The following TCTN3 variants were observed in gnomAD, a reference collection of about 807,000 sequenced individuals.
TCTN3 encodes the protein tectonic family member 3.
A neutral mutation model predicts 71.3 loss-of-function variants in TCTN3; 57 were observed. That is an observed-to-expected ratio of 0.80 (90% confidence interval 0.65 to 1.00). The LOEUF is 1.00. Ranked by LOEUF, TCTN3 falls within the 50% of genes least tolerant of loss-of-function variation. The pLI, the probability that TCTN3 is intolerant of heterozygous loss-of-function variation, is 0.00. For synonymous variants in TCTN3, 258 were observed against 267.8 expected (o/e 0.96, Z 0.36); for missense variants, 696 against 719.9 (o/e 0.97, Z 0.38).
At chr10:95,666,808 A>G (rs1263002643) in intron 13 of TCTN3, among the ~76,000 whole-genome samples, 1 of 152,228 alleles carries the variant, frequency 6.6e-6, no homozygotes, top group Non-Finnish European at 1.5e-5. Context: ...CAGTCCCAGG[A>G]GAATTCCCAA....
At chr10:95,692,050 T>G (rs1210289447) in intron 3 of TCTN3, among the ~76,000 whole-genome samples, 1 of 152,238 alleles carries the variant, frequency 6.6e-6, no homozygotes, top group Non-Finnish European at 1.5e-5. Context: ...TATTTGGTGC[T>G]TACTATGTGT....
chr10:95,665,411 T>C (rs2097924772), intron 13 of TCTN3, among the ~76,000 whole-genome samples: 6 of 152,064 alleles, frequency 3.9e-5, no homozygotes, highest in Non-Finnish European at 8.8e-5. Context: ...CCCAAGTAGC[T>C]GGGATTATAG....
At chr10:95,673,474 GGT>G (rs1234690828) in intron 13 of TCTN3, among the ~76,000 whole-genome samples, 27 of 152,008 alleles carry the variant, frequency 1.8e-4, no homozygotes, top group Non-Finnish European at 2.4e-4. Flanking sequence ...AGGTACAGAT[GGT>G]TTTTGGTTAC....
rs2097956159 is a variant in TCTN3 at position 95,693,791 on chromosome 10, C to G, written c.109G>C (p.Glu37Gln). The G allele has an allele frequency of 6.4e-7, 1 of 1,551,610 alleles. No individual in the cohort carries two copies. The highest frequency in any genetic ancestry group is 2.0e-5 in the Admixed American group (1 of 50,998). The change falls in exon 1 of 14, where the codon GAG becomes CAG. Residue 37 changes from glutamate (E) to glutamine (Q), a missense_variant. Transcript: ENST00000371217. ...CCGCCATCCGTCCCTCGCTGCAGCT[C>G]CAAAGACGTGGGCACTGCCCCTGAT... ...SPSGAVPTSL[E>Q]LQRGTDGGTL...
In TCTN3 at chr10:95,692,552, G is replaced by A. The variant is rs557350075; in HGVS notation, c.499+368C>T. ...TGTATTCCGTAATAAGAGAGAAGAG[G>A]CAGAAAGAGGCGTAGAGATTCAAAG... On this transcript the variant is annotated intron_variant, in intron 3 of 13. Transcript: ENST00000371217. 6.5e-4 allele frequency among the ~76,000 whole-genome samples: 98 copies of A among 149,888 alleles called. 2 individuals are homozygous for A. The Admixed American group carries it at 6.6e-3, about 10-fold the overall frequency.
intron 3 of TCTN3, 70 bp downstream of exon 3, chr10:95,692,850 T>A (rs1009859494): frequency 9.0e-7 from 1 of 1,111,538 alleles, no homozygotes; most frequent in African/African-American, 1.5e-5. Context: ...TCTTCCAATG[T>A]GGGCCAGGGA....
chr10:95,671,594 T>C (rs1159564132), intron 13 of TCTN3, among the ~76,000 whole-genome samples: 2 of 152,212 alleles, frequency 1.3e-5, no homozygotes, highest in Admixed American at 6.5e-5. Context: ...AACTTTTAGG[T>C]GTGTTTTTGT....
chr10:95,687,730 T>G lies in TCTN3; in HGVS notation c.500-11A>C. On this transcript the variant is annotated splice_polypyrimidine_tract_variant and intron_variant, in intron 3 of 13. Coordinates refer to ENST00000371217, the MANE Select transcript of TCTN3 (RefSeq NM_015631.6). Reference sequence around the variant, plus strand: ...AATAGTTTAAGTTTGCTAAAATGTTTTTTAAAAGAAAAAGCGTTTAGATAA... The same window carrying G: ...AATAGTTTAAGTTTGCTAAAATGTTGTTTAAAAGAAAAAGCGTTTAGATAA... The G allele has an allele frequency of 6.3e-7, 1 of 1,598,410 alleles. No homozygotes were observed. Among genetic ancestry groups the G allele is most frequent in the South Asian group, 1.2e-5 (1 of 86,942 alleles).
intron 13 of TCTN3, among the ~76,000 whole-genome samples, chr10:95,666,714 G>A (rs907298627): frequency 2.0e-5 from 3 of 152,152 alleles, no homozygotes; most frequent in African/African-American, 7.2e-5. Context: ...GGTCAGTGTC[G>A]TCTAGAAGTT....
chr10:95,692,597 T>TA (rs2097954553), intron 3 of TCTN3, among the ~76,000 whole-genome samples: 1 of 149,558 alleles, frequency 6.7e-6, no homozygotes, highest in Non-Finnish European at 1.5e-5. Flanking sequence ...AAAAAAAGTT[T>TA]AAAAAAAAGA....
intron 8 of TCTN3, 41 bp from the exon 9 acceptor site, chr10:95,684,665 G>A (rs752727054): frequency 8.7e-6 from 14 of 1,607,734 alleles, no homozygotes; most frequent in Non-Finnish European, 9.3e-6. Context: ...AGTAGTTATT[G>A]GGCCGAATAT....
At chr10:95,689,723 A>G (rs1351977320) in intron 3 of TCTN3, among the ~76,000 whole-genome samples, 3 of 152,240 alleles carry the variant, frequency 2.0e-5, no homozygotes, top group Non-Finnish European at 4.4e-5. Flanking sequence ...CAGATGATAT[A>G]TTACACCTAA....
In TCTN3 at chr10:95,677,474, G is replaced by GTTTTTTT. The variant is rs10654251; in HGVS notation, c.1590+2991_1590+2997dup. On this transcript the variant is annotated intron_variant, in intron 13 of 13. Coordinates refer to ENST00000371217, the MANE Select transcript of TCTN3 (RefSeq NM_015631.6). ...ATACAAGAAGATAGTGAAGTCTACA[G>GTTTTTTT]TTTTTTTTGTTTTTTTTTTTTTTTT... 8.8e-4 allele frequency among the ~76,000 whole-genome samples: 71 copies of GTTTTTTT among 80,728 alleles called. 10 individuals carry two copies. Among genetic ancestry groups the GTTTTTTT allele is most frequent in the Middle Eastern group, 0.011 (2 of 176 alleles). The allele number at this position is 80,728 out of a possible 152,430, so 53.0% of individuals were successfully genotyped here. A position where few individuals can be genotyped will look rare whatever the true frequency, so the allele number is the denominator to read the frequency against.
At chr10:95,692,323 T>C (rs576985436) in intron 3 of TCTN3, among the ~76,000 whole-genome samples, 16 of 152,112 alleles carry the variant, frequency 1.1e-4, no homozygotes, top group South Asian at 2.1e-4. Flanking sequence ...CTGGCCAACA[T>C]TGCAAAACCC....
chr10:95,670,533 T>C (rs1190684811), intron 13 of TCTN3, among the ~76,000 whole-genome samples: 1 of 151,096 alleles, frequency 6.6e-6, no homozygotes, highest in Non-Finnish European at 1.5e-5. Context: ...TAATTTTTTG[T>C]ATATTTTTTT....
In TCTN3 at chr10:95,692,931, T is replaced by G. The variant is rs376756059; in HGVS notation, c.488A>C (p.His163Pro). 1 of 1,612,020 alleles carries G rather than the reference T, an allele frequency of 6.2e-7. No individual in the cohort carries two copies. Among genetic ancestry groups the G allele is most frequent in the Non-Finnish European group, 8.5e-7 (1 of 1,178,048 alleles). ...ATGTTTCTACTCACAGTTGTTCACA[T>G]GGACACAAAACTGCCTGATTCCATT... ...DSNGIRQFCV[H>P]VNNSNLNYFQ... The change falls in exon 3 of 14, where the codon CAT becomes CCT. Residue 163 changes from histidine (H) to proline (P), a missense_variant. Physicochemically the swap from His to Pro is moderately conservative, Grantham distance 77. Coordinates refer to ENST00000371217, the MANE Select transcript of TCTN3 (RefSeq NM_015631.6).
intron 13 of TCTN3, among the ~76,000 whole-genome samples, chr10:95,676,195 G>A (rs2097936955): frequency 3.3e-5 from 5 of 151,868 alleles, no homozygotes; most frequent in Admixed American, 1.3e-4. Flanking sequence ...CCCACTAGTG[G>A]GTTTTGTCTA....
At chr10:95,673,157 T>A (rs1589605680) in intron 13 of TCTN3, among the ~76,000 whole-genome samples, 1 of 152,216 alleles carries the variant, frequency 6.6e-6, no homozygotes, top group Non-Finnish European at 1.5e-5. Context: ...TAATGGTATC[T>A]TTTGGTGAGC....
intron 13 of TCTN3, among the ~76,000 whole-genome samples, chr10:95,669,132 G>C (rs78933313): frequency 1.3e-5 from 2 of 152,084 alleles, no homozygotes; most frequent in Admixed American, 6.6e-5. Context: ...GCAGAGTAGT[G>C]GGGGGGTAGG....
Sources: gnomAD v4.1 joint callset for allele counts (sites outside exome capture counted in the v4.1 genomes callset) on GRCh38, gnomAD v4.1.1 for gene constraint, MANE v1.5 for transcripts, NCBI Gene and HGNC (gene_info 2026-07-23, HGNC 2026-07-21) for gene names.